Variants in RAPGEF6 observed in about 807,000 individuals in gnomAD.
RAPGEF6 encodes PDZ domain containing guanine nucleotide exchange factor (GEF) 2.
Under a neutral mutation model 171.4 loss-of-function variants are expected in RAPGEF6, and 56 were observed. The observed-to-expected ratio is 0.33, with a 90% CI of 0.26 to 0.41. The LOEUF is 0.41. RAPGEF6 is among the 10% of genes least tolerant of loss of function. The probability of loss-of-function intolerance (pLI) is 1.00; values close to 1 mark genes in which losing one functional copy is unlikely to be tolerated. For synonymous variants in RAPGEF6, 692 were observed against 650.1 expected (o/e 1.06, Z -0.98); for missense variants, 1,674 against 1,921.4 (o/e 0.87, Z 2.41).
At chr5:131,564,188 T>G (rs371610844) in intron 4 of RAPGEF6, among the ~76,000 whole-genome samples, 1 of 152,082 alleles carries the variant, frequency 6.6e-6, no homozygotes, top group South Asian at 2.1e-4. Flanking sequence ...TACTTAGAAT[T>G]TGCAAGGCAG....
chr5:131,453,324 C>T (rs929309481), intron 20 of RAPGEF6, 147 bp from the exon 21 acceptor site: 58 of 1,346,308 alleles, frequency 4.3e-5, no homozygotes, highest in Admixed American at 5.6e-5. Flanking sequence ...TATACCCATA[C>T]ATGGTTCAAC....
At chr5:131,469,019 C>G (rs984277301) in intron 17 of RAPGEF6, among the ~76,000 whole-genome samples, 1 of 152,030 alleles carries the variant, frequency 6.6e-6, no homozygotes, top group Non-Finnish European at 1.5e-5. Flanking sequence ...GGTAAAGATA[C>G]GTGAACACAA....
At chr5:131,484,580 G>A (rs1755744874) in intron 15 of RAPGEF6, among the ~76,000 whole-genome samples, 1 of 152,106 alleles carries the variant, frequency 6.6e-6, no homozygotes, top group African/African-American at 2.4e-5. Context: ...GTAAAACCCT[G>A]CAGTGTCTGT....
intron 4 of RAPGEF6, among the ~76,000 whole-genome samples, chr5:131,573,922 T>C (rs996406128): frequency 6.6e-6 from 1 of 152,156 alleles, no homozygotes; most frequent in Non-Finnish European, 1.5e-5. Context: ...AGTTGGATTC[T>C]GGCCCTTAAA....
intron 15 of RAPGEF6, among the ~76,000 whole-genome samples, chr5:131,488,897 A>C (rs1007257301): frequency 6.6e-6 from 1 of 152,210 alleles, no homozygotes; most frequent in Non-Finnish European, 1.5e-5. Context: ...TAAAGTGTCT[A>C]AGGCAATCAA....
chr5:131,600,330 T>A (rs1300025494), intron 3 of RAPGEF6, among the ~76,000 whole-genome samples: 1 of 152,162 alleles, frequency 6.6e-6, no homozygotes, highest in Admixed American at 6.5e-5. Context: ...AAGACCAGCC[T>A]GGCCAATGTG....
At chr5:131,461,038 T>C (rs978807703) in intron 19 of RAPGEF6, among the ~76,000 whole-genome samples, 1 of 152,204 alleles carries the variant, frequency 6.6e-6, no homozygotes, top group African/African-American at 2.4e-5. Context: ...ATCTACAGTG[T>C]GCTAAATAAA....
At chr5:131,439,952 C>G in intron 23 of RAPGEF6, 1 of 644,920 alleles carries the variant, frequency 1.6e-6, no homozygotes. Flanking sequence ...AGTTTGTCTG[C>G]ACTTTGTGGT....
chr5:131,531,677 T>C, intron 6 of RAPGEF6, among the ~76,000 whole-genome samples: 1 of 152,182 alleles, frequency 6.6e-6, no homozygotes, highest in East Asian at 1.9e-4. Flanking sequence ...AATTCAATTG[T>C]AAAATAGCAC....
chr5:131,524,258 A>G (rs1758705527), intron 6 of RAPGEF6, among the ~76,000 whole-genome samples: 1 of 152,178 alleles, frequency 6.6e-6, no homozygotes, highest in African/African-American at 2.4e-5. Flanking sequence ...AAATAGTAAC[A>G]TTAATATCCC....
intron 11 of RAPGEF6, among the ~76,000 whole-genome samples, chr5:131,501,182 C>A (rs1315693406): frequency 2.0e-5 from 3 of 151,708 alleles, no homozygotes; most frequent in Admixed American, 6.6e-5. Flanking sequence ...AACAAACAAA[C>A]AAAAAAAGCT....
intron 4 of RAPGEF6, among the ~76,000 whole-genome samples, chr5:131,589,496 T>C (rs1763464433): frequency 6.6e-6 from 1 of 152,216 alleles, no homozygotes; most frequent in Non-Finnish European, 1.5e-5. Context: ...TCTTGTTACG[T>C]AGACACAGAT....
At chr5:131,558,393 C>T (rs759793263) in intron 5 of RAPGEF6, among the ~76,000 whole-genome samples, 4 of 151,930 alleles carry the variant, frequency 2.6e-5, no homozygotes, top group African/African-American at 4.8e-5. Context: ...TTATCTTTGA[C>T]GGGTTTATCA....
At chr5:131,469,875 C>A in intron 17 of RAPGEF6, 1 of 1,361,798 alleles carries the variant, frequency 7.3e-7, no homozygotes, top group Admixed American at 2.4e-5. Flanking sequence ...ACTTACAGTT[C>A]TGTAGCTTTG....
intron 17 of RAPGEF6, among the ~76,000 whole-genome samples, chr5:131,466,615 G>T (rs968362245): frequency 6.6e-6 from 1 of 152,118 alleles, no homozygotes; most frequent in Non-Finnish European, 1.5e-5. Flanking sequence ...TTTAAACAGA[G>T]GAGTTCCCCT....
chr5:131,472,237 A>T (rs1754794350), intron 17 of RAPGEF6: 1 of 327,214 alleles, frequency 3.1e-6, no homozygotes, highest in Non-Finnish European at 6.1e-6. Flanking sequence ...ACGTCTGGCT[A>T]ATTTTTTGTA....
intron 6 of RAPGEF6, among the ~76,000 whole-genome samples, chr5:131,540,023 A>G (rs1052269811): frequency 6.6e-6 from 1 of 152,228 alleles, no homozygotes; most frequent in Admixed American, 6.5e-5. Flanking sequence ...TAATGCTGCC[A>G]TGGAAATCAT....
At chr5:131,564,731 T>C (rs1416228629) in intron 4 of RAPGEF6, among the ~76,000 whole-genome samples, 2 of 151,932 alleles carry the variant, frequency 1.3e-5, no homozygotes, top group African/African-American at 4.8e-5. Context: ...CAGACAACAA[T>C]ATTATAATAG....
intron 1 of RAPGEF6, among the ~76,000 whole-genome samples, chr5:131,625,821 A>AC (rs1765891014): frequency 6.6e-6 from 1 of 151,990 alleles, no homozygotes; most frequent in Non-Finnish European, 1.5e-5. Context: ...CAAAAAAAAA[A>AC]AAAAAACCAT....
Sources: gnomAD v4.1 joint callset for allele counts (sites outside exome capture counted in the v4.1 genomes callset) on GRCh38, gnomAD v4.1.1 for gene constraint, MANE v1.5 for transcripts, NCBI Gene and HGNC (gene_info 2026-07-23, HGNC 2026-07-21) for gene names.